The following ST8SIA2 variants were observed in gnomAD, a reference collection of about 807,000 sequenced individuals.
The protein encoded by ST8SIA2 is alpha-2,8-sialyltransferase 8B.
ST8SIA2 carries 22 observed loss-of-function variants against 37.6 expected under a neutral mutation model. That is an observed-to-expected ratio of 0.58 (90% confidence interval 0.42 to 0.83). The LOEUF (loss-of-function observed/expected upper bound fraction) is 0.83. Ranked by LOEUF, ST8SIA2 falls within the 40% of genes least tolerant of loss-of-function variation. The pLI, the probability that ST8SIA2 is intolerant of heterozygous loss-of-function variation, is 0.00. For synonymous variants in ST8SIA2, 205 were observed against 201.2 expected (o/e 1.02, Z -0.16); for missense variants, 382 against 484.7 (o/e 0.79, Z 1.99).
rs1331505956 is a variant in ST8SIA2 at position 92,465,698 on chromosome 15, TC to T, written c.*1316del. ...ACCCCACCCCCAGGTACCCGCCTCTTCCCACAGAAGCAATTTTAGAATTTTG... is the reference window on the plus strand; with the variant it reads ...ACCCCACCCCCAGGTACCCGCCTCTTCCACAGAAGCAATTTTAGAATTTTG... On this transcript the variant is annotated 3_prime_UTR_variant, in exon 6 of 6. Transcript: ENST00000268164. 6.6e-6 allele frequency: 1 copy of T among 152,044 alleles called. No individual in the cohort carries two copies. Among genetic ancestry groups the T allele is most frequent in the Non-Finnish European group, 1.5e-5 (1 of 68,026 alleles). 9.4% of individuals were successfully genotyped at this position (152,044 alleles called of 1,614,324 possible).
chr15:92,423,456 T>C (rs2049651575), intron 1 of ST8SIA2, among the ~76,000 whole-genome samples: 1 of 152,262 alleles, frequency 6.6e-6, no homozygotes, highest in South Asian at 2.1e-4. Flanking sequence ...TTAGTCCATT[T>C]TGTTTTGCTA....
intron 1 of ST8SIA2, among the ~76,000 whole-genome samples, chr15:92,418,320 G>A (rs1202685530): frequency 6.6e-6 from 1 of 151,902 alleles, no homozygotes; most frequent in East Asian, 1.9e-4. Context: ...AAAAATATGG[G>A]GCATGGTGGC....
At position 92,438,703 on chromosome 15, in the gene ST8SIA2, G is replaced by C. The variant is rs1596243188; in HGVS notation, c.548+93G>C. ...CAGCTGTCCCAAGAGATTGAAACAA[G>C]AGGCCCTGGTGGAGTTAGCCCCTGC... On this transcript the variant is annotated intron_variant, in intron 4 of 5. Coordinates refer to ENST00000268164, the MANE Select transcript of ST8SIA2 (RefSeq NM_006011.4). 6 of 1,454,800 alleles carry C rather than the reference G, an allele frequency of 4.1e-6. No homozygotes were observed. The East Asian group carries it at 1.5e-4, about 36-fold the overall frequency. The allele number at this position is 1,454,800 out of a possible 1,614,324, so 90.1% of individuals were successfully genotyped here.
At chr15:92,438,227 C>T (rs1462556929) in intron 3 of ST8SIA2, 126 bp from the exon 4 acceptor site, 3 of 1,399,436 alleles carry the variant, frequency 2.1e-6, no homozygotes, top group Admixed American at 1.7e-5. Flanking sequence ...TCTGAACTCT[C>T]ATCATACTCT....
chr15:92,405,069 G>A (rs2049498094), intron 1 of ST8SIA2, among the ~76,000 whole-genome samples: 2 of 151,204 alleles, frequency 1.3e-5, no homozygotes, highest in Admixed American at 6.6e-5. Context: ...GGACATGCCT[G>A]GGCAATATAG....
At chr15:92,402,456 A>G (rs148624124) in intron 1 of ST8SIA2, among the ~76,000 whole-genome samples, 1 of 152,296 alleles carries the variant, frequency 6.6e-6, no homozygotes, top group East Asian at 1.9e-4. Flanking sequence ...CAGAGCTGGG[A>G]TTCAAACCCA....
chr15:92,460,450 G>A (rs951880059), intron 5 of ST8SIA2, among the ~76,000 whole-genome samples: 2 of 152,220 alleles, frequency 1.3e-5, no homozygotes, highest in African/African-American at 4.8e-5. Context: ...TTAAGCCAAG[G>A]TGCATGAATA....
chr15:92,461,215 C>A (rs1035549514), intron 5 of ST8SIA2, among the ~76,000 whole-genome samples: 2 of 152,114 alleles, frequency 1.3e-5, no homozygotes, highest in Admixed American at 6.5e-5. Flanking sequence ...CAGTGGGACA[C>A]CCCACCCATA....
chr15:92,435,834 A>G lies in ST8SIA2; in HGVS notation c.290+1459A>G, dbSNP rs112065455. Among the ~76,000 whole-genome samples the G allele has an allele frequency of 3.1e-3, 468 of 152,084 alleles. 6 individuals carry two copies. Among genetic ancestry groups the G allele is most frequent in the African/African-American group, 0.011 (457 of 41,468 alleles). The stretch of plus-strand genomic sequence containing the variant: ...GGACACCGTGGAGTCAGCAACCCCA[A>G]CTGCATTAGCTCCCTAGGGCTGCTG... On this transcript the variant is annotated intron_variant, in intron 3 of 5. Transcript: ENST00000268164.
chr15:92,458,976 G>A (rs2049938857), intron 5 of ST8SIA2, among the ~76,000 whole-genome samples: 2 of 152,192 alleles, frequency 1.3e-5, no homozygotes, highest in Admixed American at 6.5e-5. Flanking sequence ...TTAGTTTCTG[G>A]AGGTGGGAAA....
intron 1 of ST8SIA2, among the ~76,000 whole-genome samples, chr15:92,405,561 T>G (rs1408352564): frequency 7.6e-6 from 1 of 132,438 alleles, no homozygotes; most frequent in African/African-American, 2.5e-5. Context: ...CGGGACACAC[T>G]GACTTATTTT....
Position 92,434,367 on chromosome 15 carries a change from G to C in ST8SIA2, c.282G>C (p.Leu94=). 6.2e-7 allele frequency: 1 copy of C among 1,614,184 alleles called. No individual in the cohort carries two copies. The highest frequency in any genetic ancestry group is 8.5e-7 in the Non-Finnish European group (1 of 1,180,038). Residue 94 remains leucine (L), a synonymous_variant, in exon 3 of 6, where the codon CTG becomes CTC. Transcript: ENST00000268164. ...GGAGACATAACCAGACGCTCTCTCT[G>C]AGGATCAGGTACTGGTAATTACCTA... is the stretch of plus-strand genomic sequence containing the variant. ...SKWRHNQTLS[L]RIRKQILKFL...
intron 1 of ST8SIA2, among the ~76,000 whole-genome samples, chr15:92,426,300 T>C (rs1317330664): frequency 6.6e-6 from 1 of 152,044 alleles, no homozygotes; most frequent in Non-Finnish European, 1.5e-5. Flanking sequence ...GAGGCACCGA[T>C]GCTGGGTTAG....
At chr15:92,461,448 G>A (rs892770901) in intron 5 of ST8SIA2, among the ~76,000 whole-genome samples, 1 of 152,182 alleles carries the variant, frequency 6.6e-6, no homozygotes, top group African/African-American at 2.4e-5. Context: ...CAGCAGGAGA[G>A]ATAACCTTCC....
At chr15:92,412,984 G>A (rs1199881559) in intron 1 of ST8SIA2, among the ~76,000 whole-genome samples, 1 of 151,916 alleles carries the variant, frequency 6.6e-6, no homozygotes, top group East Asian at 1.9e-4. Context: ...TCTCAGCATT[G>A]CCCAGTAATG....
At chr15:92,412,043 G>C (rs1354201583) in intron 1 of ST8SIA2, among the ~76,000 whole-genome samples, 1 of 152,172 alleles carries the variant, frequency 6.6e-6, no homozygotes, top group Non-Finnish European at 1.5e-5. Flanking sequence ...CCTCAGGCCA[G>C]GTTGTCGGCA....
intron 5 of ST8SIA2, among the ~76,000 whole-genome samples, chr15:92,461,454 C>A (rs1276897282): frequency 6.6e-6 from 1 of 152,170 alleles, no homozygotes; most frequent in Admixed American, 6.5e-5. Flanking sequence ...GAGAGATAAC[C>A]TTCCAGGACC....
At chr15:92,402,224 C>T (rs2049477171) in intron 1 of ST8SIA2, among the ~76,000 whole-genome samples, 1 of 152,300 alleles carries the variant, frequency 6.6e-6, no homozygotes, top group Middle Eastern at 3.4e-3. Flanking sequence ...CCTCACTCCT[C>T]ACATATTTTC....
chr15:92,394,854 C>T (rs1407763515), intron 1 of ST8SIA2, among the ~76,000 whole-genome samples: 4 of 152,228 alleles, frequency 2.6e-5, no homozygotes, highest in Admixed American at 2.6e-4. Flanking sequence ...CCTGTGCGCT[C>T]GCAGCGCGGA....
Sources: gnomAD v4.1 joint callset for allele counts (sites outside exome capture counted in the v4.1 genomes callset) on GRCh38, gnomAD v4.1.1 for gene constraint, MANE v1.5 for transcripts, NCBI Gene and HGNC (gene_info 2026-07-23, HGNC 2026-07-21) for gene names.